ARMCX4: variants seen among roughly 807,000 people sequenced by gnomAD.
The protein encoded by ARMCX4 is armadillo repeat containing X-linked 4.
ARMCX4 carries 3 observed loss-of-function variants against 34.7 expected under a neutral mutation model. The ratio of observed to expected loss-of-function variants is 0.09; its 90% CI spans 0.04 to 0.22. The LOEUF is 0.22. Ranked by LOEUF, ARMCX4 falls within the 10% of genes least tolerant of loss-of-function variation. The pLI is 1.00. For missense variants in ARMCX4, 1,448 were observed against 1,720.8 expected (o/e 0.84, Z 2.81); for synonymous variants, 513 against 632.8 (o/e 0.81, Z 2.84).
At chrX:101,496,088 C>T (rs1300733192), downstream of ARMCX4, among the ~76,000 whole-genome samples, 18 of 110,176 alleles carry the variant, frequency 1.6e-4, no homozygotes, top group Admixed American at 6.9e-4. Flanking sequence ...AATCCTTCTC[C>T]AGAGAGAAAT....
downstream of ARMCX4, among the ~76,000 whole-genome samples, chrX:101,535,815 A>C (rs1269656201): frequency 8.9e-6 from 1 of 112,068 alleles, no homozygotes; most frequent in Non-Finnish European, 1.9e-5. Flanking sequence ...GTCCCTTTTC[A>C]TTAAAAAATA....
intron 11 of ARMCX4, among the ~76,000 whole-genome samples, chrX:101,527,560 TC>T (rs1935007302): frequency 9.0e-6 from 1 of 110,747 alleles, no homozygotes; most frequent in South Asian, 3.8e-4. Flanking sequence ...TTTGAAAAGA[TC>T]AACAAAATTG....
At chrX:101,510,648 A>G (rs1391146999) in intron 10 of ARMCX4, among the ~76,000 whole-genome samples, 2 of 112,182 alleles carry the variant, frequency 1.8e-5, no homozygotes, top group Non-Finnish European at 1.9e-5. Flanking sequence ...GGATGCAGCT[A>G]TCTCAAATCT....
At chrX:101,497,946 C>T (rs183465931), downstream of ARMCX4, among the ~76,000 whole-genome samples, 526 of 111,393 alleles carry the variant, frequency 4.7e-3, 4 homozygotes, top group African/African-American at 0.017. Context: ...GCCAGGAGTG[C>T]GGCAAGTAGA....
chrX:101,467,820 A>G (rs1213998551), intron 4 of ARMCX4, among the ~76,000 whole-genome samples: 1 of 112,270 alleles, frequency 8.9e-6, no homozygotes, highest in Non-Finnish European at 1.9e-5. Context: ...AAGGCAAGTA[A>G]CTGCCTAATT....
At chrX:101,515,136 C>A (rs1010110176) in intron 11 of ARMCX4, among the ~76,000 whole-genome samples, 14 of 111,299 alleles carry the variant, frequency 1.3e-4, no homozygotes, top group Non-Finnish European at 1.9e-4. Flanking sequence ...CTTTATCCAG[C>A]ACGATTAACA....
rs781799802 is a variant in ARMCX4, at chrX:101,505,541, A to G, written c.*1596+186A>G. Among the ~76,000 whole-genome samples, 12 of 111,096 alleles carry G rather than the reference A, an allele frequency of 1.1e-4. 1 individual carries two copies. The South Asian group carries it at 3.9e-3, about 36-fold the overall frequency. ...TATACATATTACAGATGATAACAGA[A>G]GAGTAAGTCAGGTAGCCTCAGTGAA... On this transcript the variant is annotated intron_variant and NMD_transcript_variant, in intron 8 of 12. Transcript: ENST00000354842.
At position 101,433,189 on chromosome X, in the gene ARMCX4, C is replaced by T. The variant is rs1244401383; in HGVS notation, n.165-10863C>T. Among the ~76,000 whole-genome samples the T allele has an allele frequency of 4.1e-5, 2 of 48,265 alleles. 1 individual carries two copies. Among genetic ancestry groups the T allele is most frequent in the South Asian group, 1.5e-3 (2 of 1,330 alleles). 41.9% of individuals were successfully genotyped at this position (48,265 alleles called of 115,157 possible). A position where few individuals can be genotyped will look rare whatever the true frequency, so the allele number is the denominator to read the frequency against. On this transcript the variant is annotated intron_variant and non_coding_transcript_variant, in intron 2 of 3. Coordinates refer to the ARMCX4 transcript ENST00000430461. ...ACATACATGTGTATATACACGCACA[C>T]ATACACATATATGTGCATATACGCA...
chrX:101,471,617 G>C (rs1440612821), intron 4 of ARMCX4, among the ~76,000 whole-genome samples: 2 of 111,890 alleles, frequency 1.8e-5, no homozygotes, highest in Non-Finnish European at 3.8e-5. Flanking sequence ...TTTGAGAACG[G>C]GCAGACTGCC....
downstream of ARMCX4, among the ~76,000 whole-genome samples, chrX:101,497,748 T>G (rs961072237): frequency 1.8e-5 from 2 of 111,920 alleles, no homozygotes; most frequent in Non-Finnish European, 3.8e-5. Context: ...TAAATATTAT[T>G]TGTAAAGCAA....
chrX:101,463,897 G>A (rs1603170879), intron 4 of ARMCX4, among the ~76,000 whole-genome samples: 2 of 110,332 alleles, frequency 1.8e-5, no homozygotes, highest in South Asian at 7.9e-4. Flanking sequence ...GGGAACACAG[G>A]TGTGCACCAC....
intron 12 of ARMCX4, chrX:101,532,191 T>C (rs1197801480): frequency 8.9e-6 from 1 of 111,890 alleles, no homozygotes; most frequent in Non-Finnish European, 1.9e-5. Context: ...CACCCATATA[T>C]GGTGCTTTTT....
intron 8 of ARMCX4, among the ~76,000 whole-genome samples, chrX:101,508,575 C>G (rs1934510400): frequency 9.0e-6 from 1 of 111,197 alleles, no homozygotes; most frequent in African/African-American, 3.3e-5. Flanking sequence ...GGCTCTATCT[C>G]TGAGTACAGT....
At chrX:101,468,312 A>T (rs1275537487) in intron 4 of ARMCX4, among the ~76,000 whole-genome samples, 1 of 109,517 alleles carries the variant, frequency 9.1e-6, no homozygotes, top group Non-Finnish European at 1.9e-5. Flanking sequence ...TTTTTTTGAG[A>T]CAGGGTCTCA....
At chrX:101,436,358 A>G (rs1930771919) in intron 2 of ARMCX4, among the ~76,000 whole-genome samples, 1 of 110,759 alleles carries the variant, frequency 9.0e-6, no homozygotes, top group Admixed American at 9.7e-5. Flanking sequence ...GAGGTCCTTC[A>G]CATCCCTTGT....
At chrX:101,452,044 C>T (rs1419781118), downstream of ARMCX4, among the ~76,000 whole-genome samples, 1 of 111,780 alleles carries the variant, frequency 8.9e-6, no homozygotes, top group Non-Finnish European at 1.9e-5. Flanking sequence ...TACAATGATA[C>T]AATTGGTCAA....
At chrX:101,535,274 G>A (rs1556023234), downstream of ARMCX4, among the ~76,000 whole-genome samples, 1 of 111,531 alleles carries the variant, frequency 9.0e-6, no homozygotes, top group Non-Finnish European at 1.9e-5. Context: ...ACCTGAAGAA[G>A]GTGTTTCTCA....
chrX:101,483,258 T>A (rs149635392), upstream of ARMCX4, among the ~76,000 whole-genome samples: 1,777 of 110,765 alleles, frequency 0.016, 37 homozygotes, highest in African/African-American at 0.055. Context: ...TATATCTTTG[T>A]GAAACTGTGT....
intron 2 of ARMCX4, among the ~76,000 whole-genome samples, chrX:101,435,018 T>C (rs1482163966): frequency 1.8e-5 from 2 of 111,713 alleles, no homozygotes; most frequent in African/African-American, 6.5e-5. Flanking sequence ...GTGCCACATT[T>C]TCTTAATCCA....
Sources: gnomAD v4.1 joint callset for allele counts (sites outside exome capture counted in the v4.1 genomes callset) on GRCh38, gnomAD v4.1.1 for gene constraint, MANE v1.5 for transcripts, NCBI Gene and HGNC (gene_info 2026-07-23, HGNC 2026-07-21) for gene names.